Variants in PTP4A2 observed in about 807,000 individuals in gnomAD.
The protein encoded by PTP4A2 is protein tyrosine phosphatase type IVA 2.
A neutral mutation model predicts 22.9 loss-of-function variants in PTP4A2; 2 were observed. The ratio of observed to expected loss-of-function variants is 0.09; its 90% CI spans 0.04 to 0.27. PTP4A2 has a LOEUF of 0.27. Ranked by LOEUF, PTP4A2 falls within the 10% of genes least tolerant of loss-of-function variation. PTP4A2 has a pLI of 1.00. For synonymous variants in PTP4A2, 68 were observed against 69.1 expected, an observed-to-expected ratio of 0.98 and a Z score of 0.08; for missense variants, 103 against 205.1, an observed-to-expected ratio of 0.50 and a Z score of 3.04.
rs568464283 is a variant in PTP4A2 at position 31,924,910 on chromosome 1, G to GA, written c.-593-5253dup. 3.1e-3 allele frequency among the ~76,000 whole-genome samples: 476 copies of GA among 152,012 alleles called. 5 individuals carry two copies. The highest frequency in any genetic ancestry group is 0.011 in the African/African-American group (456 of 41,498). On this transcript the variant is annotated intron_variant, in intron 1 of 5. Transcript: ENST00000647444. ...GAGGGAGATAAGGGATAAAAAAAAA[G>GA]AAAAAACTATCCAGAGGTTAAAAAG... is the stretch of plus-strand genomic sequence containing the variant.
intron 3 of PTP4A2, among the ~76,000 whole-genome samples, chr1:31,914,677 A>G (rs1389339400): frequency 6.6e-6 from 1 of 152,218 alleles, no homozygotes; most frequent in African/African-American, 2.4e-5. Flanking sequence ...AAGACATCTA[A>G]AATTACAAGA....
At chr1:31,924,431 TA>T (rs1652352420) in intron 1 of PTP4A2, among the ~76,000 whole-genome samples, 1 of 152,190 alleles carries the variant, frequency 6.6e-6, no homozygotes, top group Non-Finnish European at 1.5e-5. Context: ...TCAATTCAGA[TA>T]AACTAATGTT....
chr1:31,913,689 CTAAATTTAAAGGCCTGGAA>C (rs1651667232), intron 3 of PTP4A2: 1 of 382,098 alleles, frequency 2.6e-6, no homozygotes, highest in African/African-American at 2.1e-5. Flanking sequence ...AAACAAAAAC[CTAAATTTAAAGGCCTGGAA>C]TAAATCTTAG....
intron 3 of PTP4A2, chr1:31,914,378 T>C: frequency 2.4e-6 from 1 of 409,616 alleles, no homozygotes; most frequent in Non-Finnish European, 4.9e-6. Flanking sequence ...AAACACATTT[T>C]TTTAAAACAC....
At chr1:31,911,487 AGGCT>A (rs1274932064) in intron 4 of PTP4A2, among the ~76,000 whole-genome samples, 8 of 152,324 alleles carry the variant, frequency 5.3e-5, no homozygotes, top group African/African-American at 1.9e-4. Context: ...CCCACAATCC[AGGCT>A]GGCATCAGAA....
chr1:31,915,634 G>T (rs1569591486), intron 3 of PTP4A2: 1 of 270,470 alleles, frequency 3.7e-6, no homozygotes, highest in East Asian at 6.5e-5. Context: ...CAACCACCTG[G>T]GCTCAAGTGA....
At chr1:31,915,687 G>A in intron 3 of PTP4A2, 3 of 381,112 alleles carry the variant, frequency 7.9e-6, no homozygotes, top group South Asian at 6.4e-5. Flanking sequence ...CCACAGGTGT[G>A]CACCAACATG....
At chr1:31,927,126 A>G (rs1245517734) in intron 1 of PTP4A2, among the ~76,000 whole-genome samples, 1 of 152,232 alleles carries the variant, frequency 6.6e-6, no homozygotes, top group Non-Finnish European at 1.5e-5. Context: ...TGCCTCTCCA[A>G]ATGAAGCCAA....
At chr1:31,926,149 A>ATAT (rs1553212253) in intron 1 of PTP4A2, among the ~76,000 whole-genome samples, 4,195 of 131,184 alleles carry the variant, frequency 0.032, 101 homozygotes, top group African/African-American at 0.059. Context: ...AAAAAAAAAA[A>ATAT]ATATATATAT....
In PTP4A2 at chr1:31,935,938, G is replaced by A. The variant is rs145956571; in HGVS notation, c.-594+2049C>T. Among the ~76,000 whole-genome samples the A allele has an allele frequency of 2.5e-3, 377 of 152,000 alleles. 4 individuals carry two copies. The highest frequency in any genetic ancestry group is 8.5e-3 in the African/African-American group (353 of 41,442). ...GCCTCCGGGATAGCTGGAACTACAG[G>A]CACGCACTACCACGCCTAACTTTTG... On this transcript the variant is annotated intron_variant, in intron 1 of 5. Transcript: ENST00000647444.
At chr1:31,918,495 G>A (rs924037630) in intron 2 of PTP4A2, among the ~76,000 whole-genome samples, 1 of 152,254 alleles carries the variant, frequency 6.6e-6, no homozygotes, top group East Asian at 1.9e-4. Flanking sequence ...AGACACCTAG[G>A]CAAGTACATT....
At chr1:31,916,205 T>C (rs1254599136) in intron 2 of PTP4A2, among the ~76,000 whole-genome samples, 2 of 149,546 alleles carry the variant, frequency 1.3e-5, no homozygotes, top group South Asian at 2.1e-4. Context: ...ATCAGCTGAG[T>C]GTGGTGGTGC....
rs1425344612 is a variant in PTP4A2, at chr1:31,906,832, AG to A, written c.*2019del. 9 of 152,194 alleles carry A rather than the reference AG, an allele frequency of 5.9e-5. No individual in the cohort carries two copies. Among genetic ancestry groups the A allele is most frequent in the Admixed American group, 3.3e-4 (5 of 15,242 alleles). The allele number at this position is 152,194 out of a possible 1,614,324, so 9.4% of individuals were successfully genotyped here. On this transcript the variant is annotated 3_prime_UTR_variant, in exon 6 of 6. Transcript: ENST00000647444. The stretch of plus-strand genomic sequence containing the variant: ...AAATTCAGAGTATGTCAAAGGAAAA[AG>A]GTTTGTTATTGTATTGATCAAAACC...
At chr1:31,928,539 A>G (rs1394096311) in intron 1 of PTP4A2, among the ~76,000 whole-genome samples, 4 of 151,806 alleles carry the variant, frequency 2.6e-5, no homozygotes, top group Non-Finnish European at 5.9e-5. Context: ...GTCTCTACCA[A>G]AAATACAAAA....
At chr1:31,913,098 C>T in intron 3 of PTP4A2, 1 of 423,238 alleles carries the variant, frequency 2.4e-6, no homozygotes, top group Non-Finnish European at 4.7e-6. Context: ...AATCATTAAT[C>T]ATTTAGAAAC....
chr1:31,923,135 G>T (rs1337341768), intron 1 of PTP4A2, among the ~76,000 whole-genome samples: 2 of 151,478 alleles, frequency 1.3e-5, no homozygotes, highest in Admixed American at 6.6e-5. Context: ...GGTCTTGAAG[G>T]CCTGACCTCG....
At chr1:31,926,366 T>TA (rs1036177872) in intron 1 of PTP4A2, among the ~76,000 whole-genome samples, 2 of 151,366 alleles carry the variant, frequency 1.3e-5, no homozygotes, top group East Asian at 1.9e-4. Context: ...AGCAAAGGTC[T>TA]AAAAAAAACG....
chr1:31,909,532 C>T (rs1396257936), intron 5 of PTP4A2, among the ~76,000 whole-genome samples: 1 of 151,894 alleles, frequency 6.6e-6, no homozygotes, highest in African/African-American at 2.4e-5. Flanking sequence ...ATTAGCTGGG[C>T]GTGGTGGTGC....
chr1:31,915,563 G>A (rs755918131), intron 3 of PTP4A2: 19 of 162,710 alleles, frequency 1.2e-4, no homozygotes, highest in Admixed American at 4.7e-4. Context: ...TTTTTGAGAC[G>A]GGGTTTCCCT....
Sources: gnomAD v4.1 joint callset for allele counts (sites outside exome capture counted in the v4.1 genomes callset) on GRCh38, gnomAD v4.1.1 for gene constraint, MANE v1.5 for transcripts, NCBI Gene and HGNC (gene_info 2026-07-23, HGNC 2026-07-21) for gene names.